Variants in PDCL3 observed in about 807,000 individuals in gnomAD.
PDCL3 encodes phosducin-like protein 3.
In PDCL3, 22 loss-of-function variants were observed where a neutral mutation model predicts 26.5. The ratio of observed to expected loss-of-function variants is 0.83; its 90% CI spans 0.59 to 1.19. The LOEUF is 1.19. Ranked by LOEUF, PDCL3 falls within the 50% of genes most tolerant of loss-of-function variation. The pLI is 0.00. For synonymous variants in PDCL3, 81 were observed against 104.9 expected, an observed-to-expected ratio of 0.77 and a Z score of 1.39; for missense variants, 246 against 294.1, an observed-to-expected ratio of 0.84 and a Z score of 1.20.
chr2:100,575,436 G>A (rs545488086), intron 5 of PDCL3, among the ~76,000 whole-genome samples: 3 of 152,272 alleles, frequency 2.0e-5, no homozygotes, highest in African/African-American at 7.2e-5. Flanking sequence ...CGCCCGGCCT[G>A]GTTTTCAGAT....
intron 1 of PDCL3, 92 bp downstream of exon 1, chr2:100,563,165 A>G (rs1215658940): frequency 2.7e-6 from 4 of 1,478,132 alleles, no homozygotes; most frequent in Non-Finnish European, 3.6e-6. Flanking sequence ...CCCTGGGGGA[A>G]GCTCCGGCGC....
At chr2:100,566,258 G>A (rs1434483440) in intron 1 of PDCL3, among the ~76,000 whole-genome samples, 3 of 152,124 alleles carry the variant, frequency 2.0e-5, no homozygotes, top group Non-Finnish European at 2.9e-5. Context: ...CTTGGTATCC[G>A]TATTGATACT....
At chr2:100,564,638 G>A (rs1238005170) in intron 1 of PDCL3, among the ~76,000 whole-genome samples, 1 of 152,120 alleles carries the variant, frequency 6.6e-6, no homozygotes, top group African/African-American at 2.4e-5. Flanking sequence ...ACACAGGGTT[G>A]GGGTTGGAGA....
intron 3 of PDCL3, 139 bp downstream of exon 3, chr2:100,569,160 G>A: frequency 1.4e-6 from 1 of 711,326 alleles, no homozygotes; most frequent in Non-Finnish European, 2.4e-6. Context: ...GGAGGCTGAG[G>A]CAGGCAGATC....
intron 5 of PDCL3, among the ~76,000 whole-genome samples, chr2:100,575,051 G>A (rs1428848477): frequency 6.6e-6 from 1 of 152,190 alleles, no homozygotes; most frequent in African/African-American, 2.4e-5. Context: ...AGCTATGATT[G>A]CACCCATAGC....
chr2:100,566,442 C>T, intron 1 of PDCL3, 61 bp from the exon 2 acceptor site: 1 of 1,567,740 alleles, frequency 6.4e-7, no homozygotes, highest in East Asian at 2.3e-5. Context: ...GCCCCTTGCC[C>T]AACGTGGCAC....
intron 4 of PDCL3, among the ~76,000 whole-genome samples, chr2:100,570,817 A>T (rs1487136768): frequency 6.6e-6 from 1 of 152,130 alleles, no homozygotes; most frequent in Admixed American, 6.6e-5. Flanking sequence ...GACATTTCAT[A>T]CTTTCTAAAC....
At chr2:100,563,111 C>A in intron 1 of PDCL3, 38 bp downstream of exon 1, 1 of 1,588,908 alleles carries the variant, frequency 6.3e-7, no homozygotes, top group Non-Finnish European at 8.6e-7. Flanking sequence ...GGGCTGCGGC[C>A]CGTTCCTTTG....
At chr2:100,568,542 G>A (rs1047018285) in intron 2 of PDCL3, among the ~76,000 whole-genome samples, 5 of 152,162 alleles carry the variant, frequency 3.3e-5, no homozygotes, top group Non-Finnish European at 5.9e-5. Flanking sequence ...TGAGGCAGGA[G>A]AATTGCTTGA....
At chr2:100,563,624 T>C (rs1675000830) in intron 1 of PDCL3, 1 of 107,212 alleles carries the variant, frequency 9.3e-6, no homozygotes, top group African/African-American at 4.2e-5. Context: ...GTTTCGTCCT[T>C]TTTTTTTTTT....
At chr2:100,565,482 G>A (rs866204629) in intron 1 of PDCL3, among the ~76,000 whole-genome samples, 2 of 150,868 alleles carry the variant, frequency 1.3e-5, no homozygotes, top group Admixed American at 6.6e-5. Context: ...CATCATGTTA[G>A]CCAGGATGCT....
At position 100,569,631 on chromosome 2, in the gene PDCL3, A is replaced by G. The variant is rs778713001; in HGVS notation, c.278A>G (p.Glu93Gly). The G allele has an allele frequency of 1.2e-6, 2 of 1,613,948 alleles. No individual in the cohort carries two copies. The highest frequency in any genetic ancestry group is 1.1e-5 in the South Asian group (1 of 91,050). ...ACTAAACTGAAGAATAAATTCGGAG[A>G]AGTTTTGGAGATCTCAGGGAAGGAT... ...KATKLKNKFG[E>G]VLEISGKDYV... Residue 93 changes from glutamate to glycine, a missense_variant, in exon 4 of 6, where the codon GAA (glutamate) becomes GGA (glycine). Coordinates refer to ENST00000264254, the MANE Select transcript of PDCL3 (RefSeq NM_024065.5).
intron 5 of PDCL3, among the ~76,000 whole-genome samples, chr2:100,573,834 A>G (rs982230539): frequency 6.6e-6 from 1 of 152,092 alleles, no homozygotes; most frequent in African/African-American, 2.4e-5. Context: ...CCTTTTTTGA[A>G]TGTACCATGA....
At chr2:100,568,758 C>G (rs1675105354) in intron 2 of PDCL3, among the ~76,000 whole-genome samples, 173 bp from the exon 3 acceptor site, 2 of 152,008 alleles carry the variant, frequency 1.3e-5, no homozygotes, top group African/African-American at 4.8e-5. Flanking sequence ...AGCCACCATG[C>G]CTGGCCTCTC....
chr2:100,571,359 G>T (rs1295501240), intron 4 of PDCL3, among the ~76,000 whole-genome samples: 1 of 151,978 alleles, frequency 6.6e-6, no homozygotes, highest in East Asian at 1.9e-4. Context: ...GCTACTTGGG[G>T]GGCTGAGGTG....
intron 1 of PDCL3, among the ~76,000 whole-genome samples, chr2:100,564,034 C>T (rs932486379): frequency 4.0e-5 from 6 of 151,352 alleles, no homozygotes; most frequent in African/African-American, 1.5e-4. Flanking sequence ...TTGTCAGCCT[C>T]CGGAGTAGCT....
At chr2:100,576,001 C>A (rs985071680) in intron 5 of PDCL3, among the ~76,000 whole-genome samples, 1 of 152,122 alleles carries the variant, frequency 6.6e-6, no homozygotes, top group Admixed American at 6.6e-5. Context: ...CTCAAGCGAT[C>A]CTGCCACTTC....
chr2:100,575,429 C>T (rs752568252), intron 5 of PDCL3, among the ~76,000 whole-genome samples: 10 of 152,200 alleles, frequency 6.6e-5, no homozygotes, highest in Non-Finnish European at 1.2e-4. Context: ...GCCACCGCGC[C>T]CGGCCTGGTT....
Position 100,568,878 on chromosome 2 carries a change from A to G in PDCL3, c.134-53A>G, listed in dbSNP as rs1675107139. The G allele has an allele frequency of 3.5e-6, 5 of 1,413,330 alleles. No individual in the cohort carries two copies. In the African/African-American group the frequency reaches 5.7e-5, roughly 16 times the overall value. 87.5% of individuals were successfully genotyped at this position (1,413,330 alleles called of 1,614,324 possible). A position where few individuals can be genotyped will look rare whatever the true frequency, so the allele number is the denominator to read the frequency against. On this transcript the variant is annotated intron_variant, in intron 2 of 5. Transcript: ENST00000264254. ...AAGAGAGGGGAAAAAAGAAAAATAC[A>G]TGTTCGTTCATCTTTTTAAATTTTT...
Sources: allele counts gnomAD v4.1 joint callset (sites outside exome capture counted in the v4.1 genomes callset), GRCh38; gene constraint gnomAD v4.1.1; transcripts MANE v1.5; gene names NCBI Gene and HGNC (gene_info 2026-07-23, HGNC 2026-07-21).